Variants in DTHD1 observed in about 807,000 individuals in gnomAD.
DTHD1 encodes the protein death domain-containing protein 1.
Under a neutral mutation model 74.8 loss-of-function variants are expected in DTHD1, and 59 were observed. The observed-to-expected ratio is 0.79, with a 90% CI of 0.64 to 0.98. The LOEUF (loss-of-function observed/expected upper bound fraction) is 0.98. DTHD1 is among the 50% of genes least tolerant of loss of function. The pLI is 0.00. For missense variants in DTHD1, 1,051 were observed against 1,065.4 expected, an observed-to-expected ratio of 0.99 and a Z score of 0.19; for synonymous variants, 365 against 371.1, an observed-to-expected ratio of 0.98 and a Z score of 0.19.
At chr4:36,285,138 T>C (rs575669960) in intron 2 of DTHD1, among the ~76,000 whole-genome samples, 6 of 152,292 alleles carry the variant, frequency 3.9e-5, no homozygotes, top group Admixed American at 3.3e-4. Context: ...TTATTTCTTA[T>C]AGCTTTAAGA....
intron 1 of DTHD1, among the ~76,000 whole-genome samples, chr4:36,282,633 A>C (rs944703625): frequency 2.6e-5 from 4 of 152,130 alleles, no homozygotes; most frequent in African/African-American, 4.8e-5. Context: ...AAGAATGTGG[A>C]ATCTGATGAA....
At chr4:36,299,657 A>G (rs535781325) in intron 5 of DTHD1, among the ~76,000 whole-genome samples, 46 of 152,300 alleles carry the variant, frequency 3.0e-4, no homozygotes, top group Non-Finnish European at 5.7e-4. Flanking sequence ...ATAGATGTAT[A>G]TATGACCACC....
chr4:36,299,237 C>G (rs1177150227), intron 5 of DTHD1, among the ~76,000 whole-genome samples: 1 of 152,164 alleles, frequency 6.6e-6, no homozygotes, highest in Non-Finnish European at 1.5e-5. Context: ...TTGAGTAACT[C>G]TGGTTTGTTT....
intron 8 of DTHD1, among the ~76,000 whole-genome samples, chr4:36,321,385 T>G (rs1758028993): frequency 6.6e-6 from 1 of 152,172 alleles, no homozygotes; most frequent in Admixed American, 6.5e-5. Flanking sequence ...TCCTATCAGA[T>G]CAGTGGCGGC....
In DTHD1 at chr4:36,344,670, C is replaced by T. The variant is rs1007794267; in HGVS notation, c.*846C>T. ...TATGCTGGCCAGCTTTTCCTGAATT[C>T]CAAAAGAGAGGAGGGTATTATGGAG... On this transcript the variant is annotated 3_prime_UTR_variant, in exon 10 of 10. Transcript: ENST00000639862. The T allele has an allele frequency of 4.6e-5, 7 of 152,148 alleles. No individual in the cohort carries two copies. The highest frequency in any genetic ancestry group is 1.2e-4 in the African/African-American group (5 of 41,436). The allele number at this position is 152,148 out of a possible 1,614,324, so 9.4% of individuals were successfully genotyped here. A position where few individuals can be genotyped will look rare whatever the true frequency, so the allele number is the denominator to read the frequency against.
In DTHD1 at chr4:36,308,581, A is replaced by G. The variant is rs1041727993; in HGVS notation, c.2095+88A>G. The G allele has an allele frequency of 2.8e-6, 3 of 1,085,684 alleles. No homozygotes were observed. In the African/African-American group the frequency reaches 4.8e-5, roughly 17 times the overall value. 67.3% of individuals were successfully genotyped at this position (1,085,684 alleles called of 1,614,324 possible). ...GTTTGCTAAACTTGTGTTACTAAGG[A>G]AACCTTCAGAGGATTGACGAGAGAC... On this transcript the variant is annotated intron_variant, in intron 7 of 9. Transcript: ENST00000639862.
rs1405283199 is a variant in DTHD1, at chr4:36,290,553, G to C, written c.1068G>C (p.Lys356Asn). The C allele has an allele frequency of 1.3e-6, 2 of 1,551,512 alleles. No homozygotes were observed. Among genetic ancestry groups the C allele is most frequent in the African/African-American group, 2.7e-5 (2 of 73,068 alleles). Residue 356 changes from lysine (K) to asparagine (N), a missense_variant, in exon 3 of 10, where the codon AAG becomes AAC. By Grantham distance (94) the Lys-to-Asn change is moderately conservative (BLOSUM62 0). Transcript: ENST00000639862. ...VITIECSDKE[K>N]RVPFPIGIAI... ...CTATTGAATGCTCAGATAAGGAAAA[G>C]AGAGTTCCATTTCCAATAGGCATTG... is the stretch of plus-strand genomic sequence containing the variant.
At chr4:36,292,717 T>C (rs934337820) in intron 3 of DTHD1, among the ~76,000 whole-genome samples, 2 of 152,210 alleles carry the variant, frequency 1.3e-5, no homozygotes, top group African/African-American at 2.4e-5. Context: ...GTCCCTGAAA[T>C]GTTTTTTCGT....
rs1274313566 is a variant in DTHD1, at chr4:36,316,312, CCAAAT to C, written c.2171_2175del (p.Ile724ArgfsTer9). 2 of 1,551,800 alleles carry C rather than the reference CCAAAT, an allele frequency of 1.3e-6. No individual in the cohort carries two copies. The highest frequency in any genetic ancestry group is 2.4e-5 in the East Asian group (1 of 40,916). On this transcript the variant is annotated frameshift_variant, in exon 8 of 10. Transcript: ENST00000639862. LOFTEE classifies it high-confidence loss of function. Reference sequence around the variant, plus strand: ...TGCAAAGAAAACCTAGGCTGGAACTCCAAATCAAAGAAGTGGACGAATTTGGAAAC... The same window carrying C: ...TGCAAAGAAAACCTAGGCTGGAACTCCAAAGAAGTGGACGAATTTGGAAAC...
chr4:36,289,196 A>C (rs1755906139), intron 2 of DTHD1, among the ~76,000 whole-genome samples: 1 of 152,158 alleles, frequency 6.6e-6, no homozygotes, highest in Non-Finnish European at 1.5e-5. Flanking sequence ...CAGTATTTCA[A>C]TCATTTCACT....
chr4:36,294,197 T>C (rs1232534849), intron 4 of DTHD1, among the ~76,000 whole-genome samples: 3 of 152,050 alleles, frequency 2.0e-5, no homozygotes, highest in Non-Finnish European at 4.4e-5. Context: ...TAAATGTATA[T>C]TTTACAAGAT....
intron 5 of DTHD1, 78 bp downstream of exon 5, chr4:36,295,117 G>A (rs564148439): frequency 1.5e-6 from 2 of 1,339,810 alleles, no homozygotes; most frequent in Non-Finnish European, 2.0e-6. Context: ...GCAGTCAAAT[G>A]CCTTGTATTT....
At chr4:36,298,365 T>C (rs1030407713) in intron 5 of DTHD1, among the ~76,000 whole-genome samples, 2 of 152,202 alleles carry the variant, frequency 1.3e-5, no homozygotes, top group African/African-American at 4.8e-5. Flanking sequence ...CTCGTGGAAA[T>C]GTAAATTGTA....
intron 8 of DTHD1, among the ~76,000 whole-genome samples, chr4:36,320,498 C>A (rs1045435484): frequency 6.6e-6 from 1 of 152,196 alleles, no homozygotes; most frequent in Non-Finnish European, 1.5e-5. Flanking sequence ...CTTCTGCTGT[C>A]TTTCATAGAT....
chr4:36,298,048 T>A (rs1456391420), intron 5 of DTHD1, among the ~76,000 whole-genome samples: 2 of 152,074 alleles, frequency 1.3e-5, no homozygotes, highest in South Asian at 2.1e-4. Context: ...AAGCCACTTT[T>A]TTTTTGCCTT....
rs1578442777 is a variant in DTHD1, at chr4:36,295,034, C to G, written c.1638C>G (p.Phe546Leu). The change falls in exon 5 of 10, where the codon TTC (phenylalanine) becomes TTG (leucine). Residue 546 changes from phenylalanine to leucine, a missense_variant. Phe to Leu is a conservative substitution (Grantham distance 22, BLOSUM62 0). Transcript: ENST00000639862. Reference sequence around the variant, plus strand: ...TAAATAGGATTACACCTTCGTATTTCAACCGGTGAGTAAGTTTCTAATATT... The same window carrying G: ...TAAATAGGATTACACCTTCGTATTTGAACCGGTGAGTAAGTTTCTAATATT... The part of the protein sequence containing the change: ...ATINRITPSY[F>L]NRTKIASIRK... 1 of 1,531,918 alleles carries G rather than the reference C, an allele frequency of 6.5e-7. No homozygotes were observed. Among genetic ancestry groups the G allele is most frequent in the East Asian group, 2.5e-5 (1 of 40,640 alleles). 94.9% of individuals were successfully genotyped at this position (1,531,918 alleles called of 1,614,324 possible).
intron 7 of DTHD1, chr4:36,315,504 GA>G (rs1444190520): frequency 6.6e-6 from 1 of 152,144 alleles, no homozygotes; most frequent in Non-Finnish European, 1.5e-5. Flanking sequence ...GAGTTAAATT[GA>G]GTTTTATTTA....
At chr4:36,305,910 C>G in intron 5 of DTHD1, among the ~76,000 whole-genome samples, 1 of 152,268 alleles carries the variant, frequency 6.6e-6, no homozygotes, top group African/African-American at 2.4e-5. Flanking sequence ...GCAAGCTTCC[C>G]GAACCTCTTG....
At chr4:36,320,568 G>A (rs1256001740) in intron 8 of DTHD1, among the ~76,000 whole-genome samples, 1 of 152,180 alleles carries the variant, frequency 6.6e-6, no homozygotes, top group African/African-American at 2.4e-5. Flanking sequence ...TTCGTATAGG[G>A]CTTTCCAGAT....
Sources: gnomAD v4.1 joint callset for allele counts (sites outside exome capture counted in the v4.1 genomes callset) on GRCh38, gnomAD v4.1.1 for gene constraint, MANE v1.5 for transcripts, NCBI Gene and HGNC (gene_info 2026-07-23, HGNC 2026-07-21) for gene names.